SLC12A2: variants seen among roughly 807,000 people sequenced by gnomAD.
SLC12A2 encodes the protein Na-K-2Cl cotransporter 1.
Under a neutral mutation model 136.3 loss-of-function variants are expected in SLC12A2, and 67 were observed. The ratio of observed to expected loss-of-function variants is 0.49; its 90% CI spans 0.40 to 0.60. The LOEUF is 0.60. Among genes scored for constraint, SLC12A2 ranks in the 20% least tolerant of loss-of-function variants. SLC12A2 has a pLI of 0.00. For synonymous variants in SLC12A2, 619 were observed against 562.9 expected (o/e 1.10, Z -1.41); for missense variants, 1,322 against 1,534.7 (o/e 0.86, Z 2.32).
chr5:128,174,399 A>T, intron 19 of SLC12A2, 142 bp from the exon 20 acceptor site: 1 of 575,014 alleles, frequency 1.7e-6, no homozygotes, highest in South Asian at 2.5e-5. Context: ...GTCATTTCAA[A>T]CAGATTATCA....
intron 1 of SLC12A2, among the ~76,000 whole-genome samples, chr5:128,100,999 G>T (rs1760722810): frequency 6.6e-6 from 1 of 152,142 alleles, no homozygotes; most frequent in Admixed American, 6.5e-5. Context: ...TTGGTTCATT[G>T]TAAAGTCACA....
intron 13 of SLC12A2, 37 bp from the exon 14 acceptor site, chr5:128,151,204 G>A (rs780541858): frequency 1.9e-6 from 3 of 1,570,664 alleles, no homozygotes; most frequent in Non-Finnish European, 2.6e-6. Flanking sequence ...AAGCAGATGA[G>A]GTATTTGTGT....
At chr5:128,181,998 A>C in intron 23 of SLC12A2, among the ~76,000 whole-genome samples, 1 of 140,740 alleles carries the variant, frequency 7.1e-6, no homozygotes, top group Non-Finnish European at 1.5e-5. Flanking sequence ...TATACCTACC[A>C]CTCATCACAT....
chr5:128,101,153 G>C (rs192857235), intron 1 of SLC12A2, among the ~76,000 whole-genome samples: 2 of 152,002 alleles, frequency 1.3e-5, no homozygotes, highest in Non-Finnish European at 2.9e-5. Flanking sequence ...GTCTGTATGG[G>C]GAGCATTACA....
chr5:128,110,211 T>C (rs534020153), intron 1 of SLC12A2: 17 of 809,544 alleles, frequency 2.1e-5, no homozygotes, highest in African/African-American at 1.7e-4. Context: ...GCCTTTGCTT[T>C]GGAAAAAAAG....
At chr5:128,126,361 A>G (rs757365552) in intron 4 of SLC12A2, among the ~76,000 whole-genome samples, 3 of 152,248 alleles carry the variant, frequency 2.0e-5, no homozygotes, top group Non-Finnish European at 4.4e-5. Context: ...TGCAAATCAT[A>G]TAAAGAAATC....
chr5:128,107,553 T>C (rs963760169), intron 1 of SLC12A2, among the ~76,000 whole-genome samples: 2 of 152,256 alleles, frequency 1.3e-5, no homozygotes, highest in Non-Finnish European at 2.9e-5. Flanking sequence ...TTTGGTTTTC[T>C]GTTCTTGTGA....
chr5:128,122,638 T>C (rs1761626981), intron 4 of SLC12A2, among the ~76,000 whole-genome samples: 3 of 152,292 alleles, frequency 2.0e-5, no homozygotes, highest in Admixed American at 2.0e-4. Context: ...CTGAAATAAT[T>C]GAGTACCTCC....
chr5:128,111,941 A>G (rs1761163256), intron 1 of SLC12A2, among the ~76,000 whole-genome samples: 1 of 152,112 alleles, frequency 6.6e-6, no homozygotes, highest in African/African-American at 2.4e-5. Flanking sequence ...ATATAGCCAC[A>G]TTATGTTCTC....
intron 11 of SLC12A2, 137 bp downstream of exon 11, chr5:128,147,866 A>G: frequency 2.2e-6 from 1 of 452,726 alleles, no homozygotes; most frequent in Non-Finnish European, 3.9e-6. Context: ...ATGCACATAA[A>G]GATATACATA....
Position 128,110,083 on chromosome 5 carries a change from A to G in SLC12A2, c.757-2731A>G, listed in dbSNP as rs1761087497. 9 of 949,694 alleles carry G rather than the reference A, an allele frequency of 9.5e-6. No homozygotes were observed. The Admixed American group carries it at 1.5e-4, about 16-fold the overall frequency. 58.8% of individuals were successfully genotyped at this position (949,694 alleles called of 1,614,324 possible). On this transcript the variant is annotated intron_variant, in intron 1 of 26. Coordinates refer to ENST00000262461, the MANE Select transcript of SLC12A2 (RefSeq NM_001046.3). ...TACACCTTAAAAGATAACAAAGTTT[A>G]TATCAAGTCTCATGGTGAACATGTA...
intron 4 of SLC12A2, 24 bp from the exon 5 acceptor site, chr5:128,131,043 T>TG (rs769613344): frequency 6.2e-7 from 1 of 1,606,866 alleles, no homozygotes; most frequent in African/African-American, 1.3e-5. Flanking sequence ...TACCTGTTTT[T>TG]TTTGTTTGTT....
At chr5:128,097,745 T>C (rs2126648244) in intron 1 of SLC12A2, among the ~76,000 whole-genome samples, 1 of 152,256 alleles carries the variant, frequency 6.6e-6, no homozygotes, top group Admixed American at 6.5e-5. Flanking sequence ...TTGCTTTCAA[T>C]AGTTACATGG....
Position 128,135,777 on chromosome 5 carries a change from CAAG to C in SLC12A2, c.1381_1383del (p.Lys461del). 1 of 1,609,746 alleles carries C rather than the reference CAAG, an allele frequency of 6.2e-7. No individual in the cohort carries two copies. Among genetic ancestry groups the C allele is most frequent in the Non-Finnish European group, 8.5e-7 (1 of 1,176,754 alleles). ...TAGGAACATTTATCCCACTGGAGAG[CAAG>C]AAGCCAAAAGGGTTTTTTGGTTATA... On this transcript the variant is annotated inframe_deletion, in exon 7 of 27. Transcript: ENST00000262461.
chr5:128,174,146 T>A (rs1763468187), intron 19 of SLC12A2, among the ~76,000 whole-genome samples: 1 of 152,182 alleles, frequency 6.6e-6, no homozygotes, highest in Non-Finnish European at 1.5e-5. Context: ...GTAATTCAAA[T>A]ACAGTTTGTG....
chr5:128,150,600 T>G (rs1404764485), intron 13 of SLC12A2, among the ~76,000 whole-genome samples: 2 of 151,678 alleles, frequency 1.3e-5, no homozygotes, highest in Non-Finnish European at 3.0e-5. Flanking sequence ...CATCAGGTTT[T>G]TACTTTAAAT....
chr5:128,126,576 G>A lies in SLC12A2; in HGVS notation c.1049-4491G>A, dbSNP rs138468481. Among the ~76,000 whole-genome samples, 455 of 152,278 alleles carry A rather than the reference G, an allele frequency of 3.0e-3. 3 individuals are homozygous for A. The highest frequency in any genetic ancestry group is 0.011 in the African/African-American group (437 of 41,552). On this transcript the variant is annotated intron_variant, in intron 4 of 26. Coordinates refer to ENST00000262461, the MANE Select transcript of SLC12A2 (RefSeq NM_001046.3). ...ATTGGAGAGATAGCTGCACTCCCAT[G>A]TTTGTTGCAGCACTGTTCACAATAG... is the stretch of plus-strand genomic sequence containing the variant.
chr5:128,135,971 G>T (rs1400759899), intron 7 of SLC12A2, among the ~76,000 whole-genome samples, 163 bp downstream of exon 7: 1 of 151,954 alleles, frequency 6.6e-6, no homozygotes, highest in Non-Finnish European at 1.5e-5. Context: ...TGTACAGTTG[G>T]AGTAAAAATT....
chr5:128,091,853 A>C (rs1158496247), intron 1 of SLC12A2, among the ~76,000 whole-genome samples: 1 of 152,198 alleles, frequency 6.6e-6, no homozygotes, highest in Non-Finnish European at 1.5e-5. Context: ...ATTTTTAAAA[A>C]AATTCTGTGC....
Sources: gnomAD v4.1 joint callset for allele counts (sites outside exome capture counted in the v4.1 genomes callset) on GRCh38, gnomAD v4.1.1 for gene constraint, MANE v1.5 for transcripts, NCBI Gene and HGNC (gene_info 2026-07-23, HGNC 2026-07-21) for gene names.